Variants in PTPRQ observed in about 807,000 individuals in gnomAD.
PTPRQ encodes the protein phosphatidylinositol phosphatase PTPRQ.
A neutral mutation model predicts 246.0 loss-of-function variants in PTPRQ; 199 were observed. That is an observed-to-expected ratio of 0.81 (90% CI 0.72 to 0.91). The LOEUF (loss-of-function observed/expected upper bound fraction) is 0.91. Among genes scored for constraint, PTPRQ ranks in the 40% least tolerant of loss-of-function variants. The probability of loss-of-function intolerance (pLI) is 0.00; values close to 1 mark genes in which losing one functional copy is unlikely to be tolerated. For missense variants in PTPRQ, 2,624 were observed against 2,528.4 expected (o/e 1.04, Z -0.81); for synonymous variants, 869 against 853.2 (o/e 1.02, Z -0.32).
chr12:80,653,575 A>G (rs1297389424), intron 38 of PTPRQ, among the ~76,000 whole-genome samples: 6 of 152,172 alleles, frequency 3.9e-5, no homozygotes, highest in African/African-American at 1.2e-4. Flanking sequence ...TCCCAATTTT[A>G]AAGATAATAT....
intron 39 of PTPRQ, among the ~76,000 whole-genome samples, chr12:80,666,276 G>A (rs1900784105): frequency 1.3e-5 from 2 of 152,010 alleles, no homozygotes. Context: ...CAATATGGAT[G>A]AGCTTGGAGA....
chr12:80,678,971 T>A lies in PTPRQ; in HGVS notation c.6863-15T>A. On this transcript the variant is annotated splice_polypyrimidine_tract_variant and intron_variant, in intron 44 of 44. Transcript: ENST00000644991. ...ACTTCAACACTCTCTTGTAACATGT[T>A]ACTTTCTGTTATAGGTGATGTTGAG... 1 of 1,541,078 alleles carries A rather than the reference T, an allele frequency of 6.5e-7. No individual in the cohort carries two copies. The highest frequency in any genetic ancestry group is 8.7e-7 in the Non-Finnish European group (1 of 1,143,206).
intron 25 of PTPRQ, among the ~76,000 whole-genome samples, chr12:80,573,960 C>T (rs749173219): frequency 3.3e-5 from 5 of 151,968 alleles, no homozygotes; most frequent in African/African-American, 4.8e-5. Flanking sequence ...ATCACTTTTC[C>T]GCCTAATCGT....
chr12:80,521,404 T>G (rs1378605562), intron 17 of PTPRQ, among the ~76,000 whole-genome samples: 4 of 152,338 alleles, frequency 2.6e-5, no homozygotes, highest in East Asian at 1.9e-4. Flanking sequence ...TGGTTGCCAT[T>G]GCTTTTTGTG....
chr12:80,542,275 C>G lies in PTPRQ; in HGVS notation c.3632C>G (p.Pro1211Arg), dbSNP rs1166998605. The change falls in exon 22 of 45, where the codon CCA (proline) becomes CGA (arginine). Residue 1211 changes from proline to arginine, a missense_variant. Physicochemically the swap from Pro to Arg is moderately radical, Grantham distance 103. Coordinates refer to ENST00000644991, the MANE Select transcript of PTPRQ (RefSeq NM_001145026.2). ...TACATAATATTGGAAGAGCTTTCAC[C>G]ATTTACATTATATAGCTTTTTTGCT... ...DNYIILEELS[P>R]FTLYSFFAAA... 6 of 1,550,348 alleles carry G rather than the reference C, an allele frequency of 3.9e-6. No homozygotes were observed. In the East Asian group the frequency reaches 7.3e-5, roughly 19 times the overall value.
chr12:80,444,914 G>A, intron 2 of PTPRQ, 65 bp downstream of exon 2: 1 of 1,413,370 alleles, frequency 7.1e-7, no homozygotes. Flanking sequence ...TCTACTGGAT[G>A]GAAATACTTA....
chr12:80,595,986 C>T (rs901223542), intron 26 of PTPRQ, among the ~76,000 whole-genome samples: 20 of 151,594 alleles, frequency 1.3e-4, no homozygotes, highest in African/African-American at 4.6e-4. Flanking sequence ...ATATTTCAAA[C>T]AGTGAAGGAA....
At chr12:80,657,588 G>A (rs971843692) in intron 38 of PTPRQ, among the ~76,000 whole-genome samples, 1 of 151,240 alleles carries the variant, frequency 6.6e-6, no homozygotes, top group South Asian at 2.1e-4. Context: ...ATAATAAAAG[G>A]TTAAATAACT....
At chr12:80,481,071 A>T (rs908569639) in intron 8 of PTPRQ, among the ~76,000 whole-genome samples, 2 of 152,168 alleles carry the variant, frequency 1.3e-5, no homozygotes, top group African/African-American at 4.8e-5. Flanking sequence ...GACACAACCA[A>T]AAAAGAGAAT....
At chr12:80,511,863 A>C (rs901871382) in intron 17 of PTPRQ, among the ~76,000 whole-genome samples, 4 of 152,232 alleles carry the variant, frequency 2.6e-5, no homozygotes, top group Non-Finnish European at 5.9e-5. Flanking sequence ...GAGTCAAGCC[A>C]TGGTAAGGAT....
chr12:80,499,403 A>G (rs1053824987), intron 14 of PTPRQ, among the ~76,000 whole-genome samples: 5 of 151,948 alleles, frequency 3.3e-5, no homozygotes, highest in Non-Finnish European at 7.4e-5. Flanking sequence ...CTACTGTTAA[A>G]CCACCCACTT....
chr12:80,623,717 A>T (rs1483147889), intron 33 of PTPRQ, among the ~76,000 whole-genome samples: 15 of 152,160 alleles, frequency 9.9e-5, no homozygotes, highest in Admixed American at 5.9e-4. Flanking sequence ...GTATTGTATG[A>T]TGTTGTCTTT....
intron 17 of PTPRQ, among the ~76,000 whole-genome samples, chr12:80,512,959 G>T (rs554813344): frequency 7.9e-5 from 12 of 152,098 alleles, no homozygotes; most frequent in Non-Finnish European, 1.6e-4. Flanking sequence ...GTGCCCCCCT[G>T]CTCAAACCTC....
intron 32 of PTPRQ, among the ~76,000 whole-genome samples, chr12:80,621,332 G>A (rs1345342461): frequency 2.0e-5 from 3 of 151,734 alleles, no homozygotes; most frequent in African/African-American, 4.8e-5. Context: ...TTGCATATTT[G>A]TTCCTGAAAC....
At chr12:80,641,264 G>A (rs1327225561) in intron 35 of PTPRQ, among the ~76,000 whole-genome samples, 2 of 152,136 alleles carry the variant, frequency 1.3e-5, no homozygotes, top group Non-Finnish European at 2.9e-5. Context: ...CACTAGCAGG[G>A]ACCCCAGTAA....
At chr12:80,678,856 TTAACTTTTC>T in intron 44 of PTPRQ, 121 bp from the exon 45 acceptor site, 1 of 1,431,240 alleles carries the variant, frequency 7.0e-7, no homozygotes, top group Non-Finnish European at 9.1e-7. Flanking sequence ...TTTTTTTTCT[TTAACTTTTC>T]TCTAATCCAA....
intron 9 of PTPRQ, 124 bp downstream of exon 9, chr12:80,484,729 A>C: frequency 6.0e-6 from 7 of 1,169,850 alleles, no homozygotes; most frequent in Non-Finnish European, 8.1e-6. Flanking sequence ...AAAGTAAAGT[A>C]AATTTGGGGC....
intron 17 of PTPRQ, among the ~76,000 whole-genome samples, chr12:80,519,103 C>G (rs1895394128): frequency 6.6e-6 from 1 of 152,050 alleles, no homozygotes; most frequent in African/African-American, 2.4e-5. Context: ...GATTCTTCCA[C>G]CCCATGACAT....
At chr12:80,466,108 C>T (rs1893397721) in intron 6 of PTPRQ, among the ~76,000 whole-genome samples, 1 of 152,186 alleles carries the variant, frequency 6.6e-6, no homozygotes, top group Non-Finnish European at 1.5e-5. Flanking sequence ...TAGAAAACCC[C>T]ATCGTCTCAG....
Sources: allele counts gnomAD v4.1 joint callset (sites outside exome capture counted in the v4.1 genomes callset), GRCh38; gene constraint gnomAD v4.1.1; transcripts MANE v1.5; gene names NCBI Gene and HGNC (gene_info 2026-07-23, HGNC 2026-07-21).